SEC24B: variants seen among roughly 807,000 people sequenced by gnomAD.
The protein encoded by SEC24B is protein transport protein Sec24B.
In SEC24B, 45 loss-of-function variants were observed where a neutral mutation model predicts 142.8. That is an observed-to-expected ratio of 0.32 (90% CI 0.25 to 0.40). The LOEUF is 0.40. SEC24B is among the 10% of genes least tolerant of loss of function. SEC24B has a pLI of 1.00. For missense variants in SEC24B, 1,409 were observed against 1,526.8 expected, an observed-to-expected ratio of 0.92 and a Z score of 1.29; for synonymous variants, 574 against 568.2, an observed-to-expected ratio of 1.01 and a Z score of -0.15.
intron 7 of SEC24B, among the ~76,000 whole-genome samples, chr4:109,507,734 C>T (rs1211606190): frequency 1.3e-5 from 2 of 152,188 alleles, no homozygotes; most frequent in Non-Finnish European, 2.9e-5. Context: ...CAATCTCCGC[C>T]TCCCAGGTTC....
chr4:109,466,336 A>C lies in SEC24B; in HGVS notation c.877+2692A>C, dbSNP rs190064965. On this transcript the variant is annotated intron_variant, in intron 2 of 23. Coordinates refer to ENST00000265175, the MANE Select transcript of SEC24B (RefSeq NM_006323.5). Reference sequence around the variant, plus strand: ...TTAATGTTCTAGAAAGTCTGGCAACATAATTGCTTTCAATACTCAAATTAT... The same window carrying C: ...TTAATGTTCTAGAAAGTCTGGCAACCTAATTGCTTTCAATACTCAAATTAT... 2.0e-5 allele frequency among the ~76,000 whole-genome samples: 3 copies of C among 152,392 alleles called. No individual in the cohort carries two copies. The East Asian group carries it at 5.8e-4, about 29-fold the overall frequency.
At chr4:109,511,897 A>G (rs1737376837) in intron 8 of SEC24B, 60 bp from the exon 9 acceptor site, 1 of 1,546,692 alleles carries the variant, frequency 6.5e-7, no homozygotes, top group African/African-American at 1.4e-5. Context: ...AGATCTGTGT[A>G]CGTTCTGTTT....
rs763097277 is a variant in SEC24B, at chr4:109,525,508, T to C, written c.2791+4T>C. On this transcript the variant is annotated splice_donor_region_variant and intron_variant, in intron 16 of 23. Transcript: ENST00000265175. ...ATGAGAATAAGGTGTACTAAAGGTA[T>C]GAAGTTGTAAAAGTTATATTTTATA... The C allele has an allele frequency of 5.0e-6, 8 of 1,584,432 alleles. No individual in the cohort carries two copies. The East Asian group carries it at 1.8e-4, about 36-fold the overall frequency.
chr4:109,483,056 T>TTATATATATATGTATTTATGTATTTA (rs1554001237), intron 4 of SEC24B, among the ~76,000 whole-genome samples: 1 of 97,936 alleles, frequency 1.0e-5, no homozygotes, highest in Non-Finnish European at 1.8e-5. Context: ...ATTTATGTAT[T>TTATATATATATGTATTTATGTATTTA]TATATATATA....
rs1045482041 is a variant in SEC24B at position 109,493,660 on chromosome 4, G to A, written c.1247-955G>A. On this transcript the variant is annotated intron_variant, in intron 5 of 23. Coordinates refer to ENST00000265175, the MANE Select transcript of SEC24B (RefSeq NM_006323.5). ...TTTTTTTTTTTTGAGACAGAGTCTC[G>A]CCCTGTGGCCCAGGCTGGAGTGCAA... is the stretch of plus-strand genomic sequence containing the variant. Among the ~76,000 whole-genome samples, 12 of 145,608 alleles carry A rather than the reference G, an allele frequency of 8.2e-5. No homozygotes were observed. The South Asian group carries it at 8.6e-4, about 10-fold the overall frequency.
At position 109,462,936 on chromosome 4, in the gene SEC24B, T is replaced by C; in HGVS notation, c.169T>C (p.Tyr57His). 2 of 1,612,030 alleles carry C rather than the reference T, an allele frequency of 1.2e-6. No homozygotes were observed. The highest frequency in any genetic ancestry group is 2.2e-5 in the South Asian group (2 of 91,070). Reference sequence around the variant, plus strand: ...GAATCAAATGCAGGTTCCATCTGGATATGGATTGCATCATCAAAACTATAT... The same window carrying C: ...GAATCAAATGCAGGTTCCATCTGGACATGGATTGCATCATCAAAACTATAT... ...AQNQMQVPSGYGLHHQNYIAP... is the reference protein window; with the variant it reads ...AQNQMQVPSGHGLHHQNYIAP... The change falls in exon 2 of 24, where the codon TAT (tyrosine) becomes CAT (histidine). Residue 57 changes from tyrosine to histidine, a missense_variant. Physicochemically the swap from Tyr to His is moderately conservative, Grantham distance 83. Transcript: ENST00000265175.
At chr4:109,516,474 A>AT in intron 10 of SEC24B, 54 bp from the exon 11 acceptor site, 1 of 1,067,552 alleles carries the variant, frequency 9.4e-7, no homozygotes, top group Non-Finnish European at 1.4e-6. Context: ...AGTAATATAT[A>AT]AAAAGAATAA....
rs550507093 is a variant in SEC24B at position 109,435,860 on chromosome 4, A to G, written c.133+1858A>G. On this transcript the variant is annotated intron_variant, in intron 1 of 23. Coordinates refer to ENST00000265175, the MANE Select transcript of SEC24B (RefSeq NM_006323.5). The stretch of plus-strand genomic sequence containing the variant: ...GGTAATGTTTGAATTGGTTCTGGCT[A>G]GCCTTGAGGGACTCGACAGGTTGGG... 3.7e-3 allele frequency among the ~76,000 whole-genome samples: 558 copies of G among 152,264 alleles called. 4 individuals are homozygous for G. Among genetic ancestry groups the G allele is most frequent in the Non-Finnish European group, 4.9e-3 (331 of 68,020 alleles).
chr4:109,460,716 A>G (rs911365548), intron 1 of SEC24B, among the ~76,000 whole-genome samples: 1 of 151,802 alleles, frequency 6.6e-6, no homozygotes, highest in Admixed American at 6.6e-5. Flanking sequence ...AAAGAAGTTA[A>G]TATATGTAAA....
intron 6 of SEC24B, among the ~76,000 whole-genome samples, chr4:109,495,889 A>T (rs2126012747): frequency 6.6e-6 from 1 of 152,274 alleles, no homozygotes; most frequent in African/African-American, 2.4e-5. Flanking sequence ...CATTAAAAAG[A>T]AAAGCCTTAC....
At chr4:109,516,732 G>C (rs1242236035) in intron 11 of SEC24B, 92 bp downstream of exon 11, 1 of 665,090 alleles carries the variant, frequency 1.5e-6, no homozygotes, top group Non-Finnish European at 2.4e-6. Flanking sequence ...GTGGGATTGG[G>C]TTTGGTTGTA....
At chr4:109,479,591 G>A (rs888424184) in intron 3 of SEC24B, among the ~76,000 whole-genome samples, 6 of 151,766 alleles carry the variant, frequency 4.0e-5, no homozygotes, top group Non-Finnish European at 8.8e-5. Flanking sequence ...CGCCATGCCT[G>A]GCTAATTTTT....
At chr4:109,477,305 CT>C (rs1733280392) in intron 3 of SEC24B, among the ~76,000 whole-genome samples, 1 of 151,804 alleles carries the variant, frequency 6.6e-6, no homozygotes, top group African/African-American at 2.4e-5. Flanking sequence ...GCTTACCATA[CT>C]TTTTATTATT....
chr4:109,536,922 CATTT>C (rs1021378429), intron 22 of SEC24B, among the ~76,000 whole-genome samples: 14 of 151,628 alleles, frequency 9.2e-5, no homozygotes, highest in African/African-American at 3.4e-4. Flanking sequence ...AAATATAAAA[CATTT>C]ATATTTGGTA....
At chr4:109,468,876 GCTTA>G (rs1453597948) in intron 2 of SEC24B, among the ~76,000 whole-genome samples, 1 of 152,140 alleles carries the variant, frequency 6.6e-6, no homozygotes, top group Non-Finnish European at 1.5e-5. Context: ...TTAAGATAGG[GCTTA>G]CTTTTACAGG....
rs551236375 is a variant in SEC24B at position 109,486,383 on chromosome 4, G to A, written c.1165+4602G>A. 8.5e-5 allele frequency among the ~76,000 whole-genome samples: 13 copies of A among 152,188 alleles called. No individual in the cohort carries two copies. The South Asian group carries it at 2.7e-3, about 32-fold the overall frequency. ...TATATTGCCTTTGTTGACCCATATT[G>A]CTTGTCTTTTAGAGACAGAAAACAG... On this transcript the variant is annotated intron_variant, in intron 4 of 23. Coordinates refer to ENST00000265175, the MANE Select transcript of SEC24B (RefSeq NM_006323.5).
At chr4:109,528,978 T>C (rs1028581831) in intron 18 of SEC24B, among the ~76,000 whole-genome samples, 2 of 152,118 alleles carry the variant, frequency 1.3e-5, no homozygotes, top group African/African-American at 4.8e-5. Context: ...GACTGGTCAA[T>C]GAAGTGAGAC....
intron 1 of SEC24B, among the ~76,000 whole-genome samples, chr4:109,437,706 C>A (rs1169641242): frequency 6.6e-6 from 1 of 152,174 alleles, no homozygotes; most frequent in East Asian, 1.9e-4. Context: ...CTCACTGCAA[C>A]CTCCACCTCC....
intron 2 of SEC24B, among the ~76,000 whole-genome samples, chr4:109,469,395 GA>G (rs1160147174): frequency 6.6e-6 from 1 of 152,152 alleles, no homozygotes. Flanking sequence ...ATAAAATAGT[GA>G]GTAAAAACAC....
Sources: gnomAD v4.1 joint callset for allele counts (sites outside exome capture counted in the v4.1 genomes callset) on GRCh38, gnomAD v4.1.1 for gene constraint, MANE v1.5 for transcripts, NCBI Gene and HGNC (gene_info 2026-07-23, HGNC 2026-07-21) for gene names.